Variants in HK2 observed in about 807,000 individuals in gnomAD.
HK2 encodes hexokinase-2.
HK2 carries 42 observed loss-of-function variants against 92.9 expected under a neutral mutation model. The observed-to-expected ratio is 0.45, with a 90% CI of 0.35 to 0.58. The LOEUF (loss-of-function observed/expected upper bound fraction) is 0.58. HK2 is among the 20% of genes least tolerant of loss of function. The probability of loss-of-function intolerance (pLI) is 0.00; values close to 1 mark genes in which losing one functional copy is unlikely to be tolerated. For missense variants in HK2, 978 were observed against 1,245.1 expected, an observed-to-expected ratio of 0.79 and a Z score of 3.23; for synonymous variants, 422 against 468.0, an observed-to-expected ratio of 0.90 and a Z score of 1.27.
chr2:74,844,090 C>T lies in HK2; in HGVS notation c.63+9447C>T, dbSNP rs554817542. ...AGTGCCCTTAACCCCCAGCACAAAG[C>T]TGCTGGGACAACTATGTTTCAGTTT... is the stretch of plus-strand genomic sequence containing the variant. On this transcript the variant is annotated intron_variant, in intron 1 of 17. Coordinates refer to ENST00000290573, the MANE Select transcript of HK2 (RefSeq NM_000189.5). 5.9e-5 allele frequency among the ~76,000 whole-genome samples: 9 copies of T among 152,368 alleles called. No individual in the cohort carries two copies. The East Asian group carries it at 1.5e-3, about 26-fold the overall frequency.
chr2:74,870,672 C>G (rs909876154), intron 3 of HK2, among the ~76,000 whole-genome samples: 1 of 150,314 alleles, frequency 6.7e-6, no homozygotes, highest in Non-Finnish European at 1.5e-5. Flanking sequence ...TAATTCATCT[C>G]TAGTCACCTT....
At chr2:74,872,959 T>C (rs917700957) in intron 4 of HK2, among the ~76,000 whole-genome samples, 3 of 152,232 alleles carry the variant, frequency 2.0e-5, no homozygotes, top group Non-Finnish European at 4.4e-5. Context: ...CTGAATGCTA[T>C]AGGCAATTGT....
At chr2:74,872,744 A>C (rs1689127162) in intron 4 of HK2, among the ~76,000 whole-genome samples, 1 of 152,214 alleles carries the variant, frequency 6.6e-6, no homozygotes, top group African/African-American at 2.4e-5. Context: ...TGGAGAGTTA[A>C]TGATGTAAGG....
intron 2 of HK2, among the ~76,000 whole-genome samples, chr2:74,861,335 G>T (rs150310786): frequency 5.9e-5 from 9 of 151,774 alleles, no homozygotes; most frequent in African/African-American, 1.9e-4. Context: ...CACGAGAATC[G>T]CTTGAATCTG....
At chr2:74,839,570 A>T (rs1235832553) in intron 1 of HK2, among the ~76,000 whole-genome samples, 1 of 151,978 alleles carries the variant, frequency 6.6e-6, no homozygotes, top group African/African-American at 2.4e-5. Context: ...TTTGTTTTAT[A>T]TTGCCAAACT....
rs373777516 is a variant in HK2 at position 74,872,282 on chromosome 2, T to C, written c.376-18T>C. On this transcript the variant is annotated intron_variant, in intron 3 of 17. Transcript: ENST00000290573. ...TGTTCGACCTCTCTGCTCACCACCC[T>C]GTGTCATGTATCCTTAGCTGTTTGA... 7.9e-5 allele frequency: 128 copies of C among 1,613,484 alleles called. No homozygotes were observed. The highest frequency in any genetic ancestry group is 8.9e-5 in the Non-Finnish European group (105 of 1,179,616).
At chr2:74,854,253 T>G in intron 1 of HK2, 40 bp from the exon 2 acceptor site, 1 of 1,601,238 alleles carries the variant, frequency 6.2e-7, no homozygotes. Flanking sequence ...CATAATTTAT[T>G]TAACCAGTGG....
At position 74,891,766 on chromosome 2, in the gene HK2, T is replaced by G. The variant is rs1173779397; in HGVS notation, c.*825T>G. ...ATTTTATTTAGTTCTTGAGTAGATCTGCTTCTTCATCTTGACATGTAATGA... is the reference window on the plus strand; with the variant it reads ...ATTTTATTTAGTTCTTGAGTAGATCGGCTTCTTCATCTTGACATGTAATGA... On this transcript the variant is annotated 3_prime_UTR_variant, in exon 18 of 18. Transcript: ENST00000290573. 7.3e-6 allele frequency: 1 copy of G among 137,854 alleles called. No individual in the cohort carries two copies. Among genetic ancestry groups the G allele is most frequent in the Non-Finnish European group, 1.5e-5 (1 of 65,228 alleles). The allele number at this position is 137,854 out of a possible 1,614,324, so 8.5% of individuals were successfully genotyped here.
chr2:74,882,063 G>C, intron 11 of HK2, 57 bp from the exon 12 acceptor site: 1 of 1,543,350 alleles, frequency 6.5e-7, no homozygotes, highest in South Asian at 1.1e-5. Context: ...AGGCCCTACT[G>C]GGGGCAGCCT....
Position 74,882,180 on chromosome 2 carries a change from G to T in HK2, c.1780G>T (p.Val594Leu). The T allele has an allele frequency of 6.2e-7, 1 of 1,614,158 alleles. No homozygotes were observed. The highest frequency in any genetic ancestry group is 2.2e-5 in the East Asian group (1 of 44,878). The change falls in exon 12 of 18, where the codon GTG becomes TTG. Residue 594 changes from valine (V) to leucine (L), a missense_variant. By Grantham distance (32) the Val-to-Leu change is conservative. Around this residue, in one of 3 missense-constraint regions of HK2, gnomAD observed 742 missense variants for 922.5 expected, o/e 0.80. Coordinates refer to ENST00000290573, the MANE Select transcript of HK2 (RefSeq NM_000189.5). ...DFLEYMGMKGVSLPLGFTFSF... is the reference protein window; with the variant it reads ...DFLEYMGMKGLSLPLGFTFSF... ...CCTCGAGTACATGGGCATGAAGGGC[G>T]TGTCCCTGCCTCTGGGTTTTACCTT...
intron 9 of HK2, among the ~76,000 whole-genome samples, 192 bp from the exon 10 acceptor site, chr2:74,880,073 G>T (rs1689343070): frequency 6.6e-6 from 1 of 152,184 alleles, no homozygotes; most frequent in South Asian, 2.1e-4. Flanking sequence ...ACCAATCCTG[G>T]GTGGTCATAG....
chr2:74,870,165 G>A (rs1233326016), intron 3 of HK2, among the ~76,000 whole-genome samples: 2 of 151,730 alleles, frequency 1.3e-5, no homozygotes, highest in African/African-American at 4.8e-5. Flanking sequence ...TGCACCACCA[G>A]GCCCGGCTAA....
rs562881191 is a variant in HK2 at position 74,871,239 on chromosome 2, G to T, written c.376-1061G>T. ...CATGTTCCCAGGTTAAGGGAGTGAG[G>T]TTGCTGTTCCAGGAGCACACTTTGA... On this transcript the variant is annotated intron_variant, in intron 3 of 17. Coordinates refer to ENST00000290573, the MANE Select transcript of HK2 (RefSeq NM_000189.5). 5.3e-5 allele frequency among the ~76,000 whole-genome samples: 8 copies of T among 152,294 alleles called. No homozygotes were observed. In the East Asian group the frequency reaches 1.5e-3, roughly 29 times the overall value.
intron 12 of HK2, among the ~76,000 whole-genome samples, chr2:74,885,028 T>C (rs1405075553): frequency 6.6e-6 from 1 of 152,158 alleles, no homozygotes; most frequent in Admixed American, 6.5e-5. Flanking sequence ...ATGTAAAGGA[T>C]AGGGACAGAG....
At chr2:74,844,428 G>A (rs1460128226) in intron 1 of HK2, among the ~76,000 whole-genome samples, 2 of 152,214 alleles carry the variant, frequency 1.3e-5, no homozygotes, top group African/African-American at 2.4e-5. Context: ...AAACTGGGCC[G>A]CTTTTGAAAA....
intron 7 of HK2, among the ~76,000 whole-genome samples, chr2:74,875,885 C>T (rs1689218348): frequency 6.6e-6 from 1 of 152,200 alleles, no homozygotes; most frequent in Admixed American, 6.5e-5. Flanking sequence ...TGACAGCACA[C>T]CCCCGGCTTA....
intron 3 of HK2, among the ~76,000 whole-genome samples, chr2:74,870,519 T>C (rs1006530468): frequency 6.9e-6 from 1 of 145,322 alleles, no homozygotes; most frequent in African/African-American, 2.7e-5. Flanking sequence ...TCTTTGATGA[T>C]TGGCCTTATC....
chr2:74,880,924 A>C (rs538172127), intron 10 of HK2, among the ~76,000 whole-genome samples: 1 of 152,354 alleles, frequency 6.6e-6, no homozygotes. Context: ...AATTCACACA[A>C]CTAGAAAATG....
chr2:74,880,530 A>G lies in HK2; in HGVS notation c.1531A>G (p.Met511Val). The change falls in exon 10 of 18, where the codon ATG becomes GTG. Residue 511 changes from methionine to valine, a missense_variant. Transcript: ENST00000290573. ...GACTCATGCCAGTGCCCCCGTCAAGATGCTGCCCACCTACGTGTGTGCTAC... is the reference window on the plus strand; with the variant it reads ...GACTCATGCCAGTGCCCCCGTCAAGGTGCTGCCCACCTACGTGTGTGCTAC... ...KETHASAPVKMLPTYVCATPD... is the reference protein window; with the variant it reads ...KETHASAPVKVLPTYVCATPD... The G allele has an allele frequency of 1.2e-6, 2 of 1,614,206 alleles. No homozygotes were observed. The highest frequency in any genetic ancestry group is 1.7e-5 in the Admixed American group (1 of 60,022).
Sources: gnomAD v4.1 joint callset for allele counts (sites outside exome capture counted in the v4.1 genomes callset) on GRCh38, gnomAD v4.1.1 for gene constraint, gnomAD v4.1.1 regional missense constraint, MANE v1.5 for transcripts, NCBI Gene and HGNC (gene_info 2026-07-23, HGNC 2026-07-21) for gene names.